MYH9: variants seen among roughly 807,000 people sequenced by gnomAD.
MYH9 encodes myosin-9.
In MYH9, 29 loss-of-function variants were observed where a neutral mutation model predicts 241.9. The observed-to-expected ratio is 0.12, with a 90% CI of 0.09 to 0.16. The LOEUF (loss-of-function observed/expected upper bound fraction) is 0.16. Ranked by LOEUF, MYH9 falls within the 10% of genes least tolerant of loss-of-function variation. The pLI, the probability that MYH9 is intolerant of heterozygous loss-of-function variation, is 1.00. For synonymous variants in MYH9, 1,047 were observed against 1,062.6 expected, an observed-to-expected ratio of 0.99 and a Z score of 0.29; for missense variants, 1,803 against 2,595.5, an observed-to-expected ratio of 0.69 and a Z score of 6.63.
At chr22:36,301,336 TTA>T (rs1485525249) in intron 21 of MYH9, among the ~76,000 whole-genome samples, 196 bp downstream of exon 21, 2 of 152,196 alleles carry the variant, frequency 1.3e-5, no homozygotes, top group Non-Finnish European at 2.9e-5. Flanking sequence ...TTCCACTCTA[TTA>T]AGTGGCCTCC....
At chr22:36,383,403 G>A (rs866873043) in intron 1 of MYH9, among the ~76,000 whole-genome samples, 3 of 152,082 alleles carry the variant, frequency 2.0e-5, no homozygotes, top group East Asian at 1.9e-4. Context: ...TGTCCCAGCC[G>A]GGGCCCTGTG....
At chr22:36,368,214 G>A (rs574297259) in intron 1 of MYH9, among the ~76,000 whole-genome samples, 5 of 152,158 alleles carry the variant, frequency 3.3e-5, no homozygotes, top group Non-Finnish European at 5.9e-5. Context: ...ATTAAATAAC[G>A]GCCACTTGCA....
At position 36,316,600 on chromosome 22, in the gene MYH9, T is replaced by C. The variant is rs1236399112; in HGVS notation, c.1297A>G (p.Ile433Val). 1.2e-6 allele frequency: 2 copies of C among 1,614,078 alleles called. No homozygotes were observed. The highest frequency in any genetic ancestry group is 1.7e-6 in the Non-Finnish European group (2 of 1,180,020). Residue 433 changes from isoleucine (I) to valine (V), a missense_variant, in exon 12 of 41, where the codon ATC (isoleucine) becomes GTC (valine). Physicochemically the swap from Ile to Val is conservative, Grantham distance 29 (BLOSUM62 3). Around this residue, in one of 11 missense-constraint regions of MYH9, gnomAD observed 222 missense variants for 359.9 expected, o/e 0.62. Coordinates refer to ENST00000216181, the MANE Select transcript of MYH9 (RefSeq NM_002473.6). The part of the protein sequence containing the change: ...ERMFRWLVLR[I>V]NKALDKTKRQ... ...TTGGTCTTGTCCAGAGCCTTGTTGA[T>C]GCGCAGCACCAGCCAGCGGAACATC... is the stretch of plus-strand genomic sequence containing the variant.
intron 1 of MYH9, among the ~76,000 whole-genome samples, chr22:36,368,326 C>A (rs1421471493): frequency 6.6e-6 from 1 of 152,164 alleles, no homozygotes; most frequent in Non-Finnish European, 1.5e-5. Flanking sequence ...GGAAACAAGG[C>A]CAGAAGGCTT....
At chr22:36,308,726 G>A (rs1004672445) in intron 15 of MYH9, 54 of 821,796 alleles carry the variant, frequency 6.6e-5, no homozygotes, top group Middle Eastern at 6.1e-4. Flanking sequence ...GGGGGGGCGC[G>A]AGAAAACCTA....
At chr22:36,356,257 C>T (rs1207882833) in intron 1 of MYH9, among the ~76,000 whole-genome samples, 4 of 152,042 alleles carry the variant, frequency 2.6e-5, no homozygotes, top group Admixed American at 2.6e-4. Context: ...TTAAATAAAA[C>T]TATCGAAGTA....
Position 36,294,982 on chromosome 22 carries a change from G to T in MYH9, c.3580C>A (p.His1194Asn). The T allele has an allele frequency of 6.2e-7, 1 of 1,614,194 alleles. No homozygotes were observed. The highest frequency in any genetic ancestry group is 8.5e-7 in the Non-Finnish European group (1 of 1,180,044). ...EAQIQEMRQK[H>N]SQAVEELAEQ... ...GCCAGCTCCTCCACGGCCTGTGAGTGCTTCTGCCTCATCTCCTGGATCTGG... is the reference window on the plus strand; with the variant it reads ...GCCAGCTCCTCCACGGCCTGTGAGTTCTTCTGCCTCATCTCCTGGATCTGG... Residue 1194 changes from histidine to asparagine, a missense_variant, in exon 27 of 41, where the codon CAC becomes AAC. Physicochemically the swap from His to Asn is moderately conservative, Grantham distance 68. Coordinates refer to ENST00000216181, the MANE Select transcript of MYH9 (RefSeq NM_002473.6).
In MYH9 at chr22:36,380,722, C is replaced by A. The variant is rs560472825; in HGVS notation, c.-20+7085G>T. 1.3e-4 allele frequency among the ~76,000 whole-genome samples: 20 copies of A among 151,954 alleles called. No individual in the cohort carries two copies. In the East Asian group the frequency reaches 3.7e-3, roughly 28 times the overall value. The stretch of plus-strand genomic sequence containing the variant: ...CGCCACTGCACTCCAGCCTGGGCAA[C>A]AGAGTGAGACTCTGTCTCCAAAAAA... On this transcript the variant is annotated intron_variant, in intron 1 of 40. Transcript: ENST00000216181.
chr22:36,282,875 A>G, intron 40 of MYH9, 90 bp from the exon 41 acceptor site: 1 of 1,190,004 alleles, frequency 8.4e-7, no homozygotes, highest in Non-Finnish European at 1.2e-6. Context: ...AGTGAATTCG[A>G]GAGGGAAACC....
At chr22:36,387,029 C>A (rs1436707742) in intron 1 of MYH9, among the ~76,000 whole-genome samples, 1 of 152,250 alleles carries the variant, frequency 6.6e-6, no homozygotes, top group Non-Finnish European at 1.5e-5. Flanking sequence ...GCCCCGACGG[C>A]TGCTGCATTC....
At chr22:36,348,170 T>C (rs2146391782) in intron 2 of MYH9, among the ~76,000 whole-genome samples, 1 of 149,666 alleles carries the variant, frequency 6.7e-6, no homozygotes, top group African/African-American at 2.4e-5. Flanking sequence ...AAATAAAATG[T>C]TAAAAAAGAA....
At chr22:36,326,433 A>G in intron 5 of MYH9, 135 bp downstream of exon 5, 1 of 884,268 alleles carries the variant, frequency 1.1e-6, no homozygotes, top group East Asian at 2.4e-5. Context: ...GCCTCAATGG[A>G]AATGGGCCCA....
chr22:36,294,410 C>CACCGTCGTCAG, intron 27 of MYH9, 112 bp from the exon 28 acceptor site: 1 of 1,176,702 alleles, frequency 8.5e-7, no homozygotes, highest in Non-Finnish European at 1.2e-6. Flanking sequence ...GCCCTGACGA[C>CACCGTCGTCAG]GGTGTGCCTG....
At chr22:36,284,555 G>T (rs1385650540) in intron 38 of MYH9, 44 bp from the exon 39 acceptor site, 1 of 1,588,792 alleles carries the variant, frequency 6.3e-7, no homozygotes, top group Non-Finnish European at 8.6e-7. Flanking sequence ...CCCTCCTTCA[G>T]AGGGTCCGGC....
At chr22:36,313,407 A>G (rs1360414836) in intron 13 of MYH9, among the ~76,000 whole-genome samples, 1 of 140,820 alleles carries the variant, frequency 7.1e-6, no homozygotes, top group South Asian at 2.3e-4. Flanking sequence ...AGCCAAGATC[A>G]GGCCACTGCA....
chr22:36,296,484 G>A (rs953581152), intron 25 of MYH9, among the ~76,000 whole-genome samples: 1 of 151,252 alleles, frequency 6.6e-6, no homozygotes, highest in African/African-American at 2.4e-5. Context: ...GATCCACCCG[G>A]CTTGGCCTCC....
At chr22:36,325,147 G>A (rs1348030382) in intron 5 of MYH9, 3 of 757,928 alleles carry the variant, frequency 4.0e-6, no homozygotes, top group South Asian at 2.8e-5. Context: ...AAAATCGGGG[G>A]TAGGGAGGGA....
intron 1 of MYH9, among the ~76,000 whole-genome samples, chr22:36,363,715 T>C (rs1432958306): frequency 2.0e-5 from 3 of 152,112 alleles, no homozygotes; most frequent in Non-Finnish European, 2.9e-5. Context: ...TTGTTTCAGG[T>C]ATGGTGGGGA....
At chr22:36,294,049 C>G in intron 28 of MYH9, 43 bp downstream of exon 28, 8 of 1,598,266 alleles carry the variant, frequency 5.0e-6, no homozygotes, top group Non-Finnish European at 6.8e-6. Flanking sequence ...ACAACTGCTG[C>G]TAGGGCCCAC....
Sources: allele counts gnomAD v4.1 joint callset (sites outside exome capture counted in the v4.1 genomes callset), GRCh38; gene constraint gnomAD v4.1.1; regional missense constraint gnomAD v4.1.1; transcripts MANE v1.5; gene names NCBI Gene and HGNC (gene_info 2026-07-23, HGNC 2026-07-21).